The following TBCD variants were observed in gnomAD, a reference collection of about 807,000 sequenced individuals.
TBCD encodes tubulin-specific chaperone D.
TBCD carries 105 observed loss-of-function variants against 169.3 expected under a neutral mutation model. The observed-to-expected ratio is 0.62, with a 90% CI of 0.53 to 0.73. The LOEUF (loss-of-function observed/expected upper bound fraction) is 0.73, where lower values mean the gene tolerates loss of function less well. Among genes scored for constraint, TBCD ranks in the 30% least tolerant of loss-of-function variants. The pLI is 0.00. For synonymous variants in TBCD, 700 were observed against 643.9 expected, an observed-to-expected ratio of 1.09 and a Z score of -1.32; for missense variants, 1,444 against 1,600.1, an observed-to-expected ratio of 0.90 and a Z score of 1.66.
intron 14 of TBCD, among the ~76,000 whole-genome samples, chr17:82,872,914 C>T (rs2057693830): frequency 8.5e-6 from 1 of 118,328 alleles, no homozygotes; most frequent in Non-Finnish European, 1.8e-5. Flanking sequence ...CCAGGCCCGG[C>T]ACCTCGTGGC....
intron 13 of TBCD, among the ~76,000 whole-genome samples, chr17:82,858,139 C>T (rs1279457548): frequency 6.6e-6 from 1 of 152,104 alleles, no homozygotes; most frequent in Non-Finnish European, 1.5e-5. Flanking sequence ...GTCTCGAACT[C>T]CTGGGCTCAA....
At chr17:82,860,779 G>A (rs1257777735) in intron 13 of TBCD, among the ~76,000 whole-genome samples, 1 of 152,222 alleles carries the variant, frequency 6.6e-6, no homozygotes, top group African/African-American at 2.4e-5. Context: ...TGTCCGGGCT[G>A]TGTAAGAAGC....
chr17:82,831,051 C>A lies in TBCD; in HGVS notation c.1318+16117C>A. On this transcript the variant is annotated intron_variant, in intron 13 of 38. Coordinates refer to ENST00000355528, the MANE Select transcript of TBCD (RefSeq NM_005993.5). The surrounding 1 kb of genome is among the most constrained non-coding windows in gnomAD (Gnocchi z 4.6). Reference sequence around the variant, plus strand: ...GAGACTCTGCTGTGGTCTCAGCAGCCTGGGCAGGTAGGCATTCTGTGCTTT... The same window carrying A: ...GAGACTCTGCTGTGGTCTCAGCAGCATGGGCAGGTAGGCATTCTGTGCTTT... The A allele has an allele frequency of 6.2e-7, 1 of 1,614,188 alleles. No individual in the cohort carries two copies. Among genetic ancestry groups the A allele is most frequent in the Non-Finnish European group, 8.5e-7 (1 of 1,180,048 alleles).
rs901575623 is a variant in TBCD, at chr17:82,833,752, G to A, written c.1318+18818G>A. On this transcript the variant is annotated intron_variant, in intron 13 of 38. Coordinates refer to ENST00000355528, the MANE Select transcript of TBCD (RefSeq NM_005993.5). The surrounding 1 kb of genome is among the most constrained non-coding windows in gnomAD (Gnocchi z 4.7). Reference sequence around the variant, plus strand: ...TGGGTCATGGGAGGAAGCTGTCCTGGCCCTTAACCTTTAGGGAGTGGGTTC... The same window carrying A: ...TGGGTCATGGGAGGAAGCTGTCCTGACCCTTAACCTTTAGGGAGTGGGTTC... Among the ~76,000 whole-genome samples, 1 of 152,132 alleles carries A rather than the reference G, an allele frequency of 6.6e-6. No homozygotes were observed. The highest frequency in any genetic ancestry group is 2.4e-5 in the African/African-American group (1 of 41,424).
intron 29 of TBCD, 37 bp downstream of exon 29, chr17:82,927,360 A>T: frequency 6.2e-7 from 1 of 1,602,762 alleles, no homozygotes; most frequent in East Asian, 2.2e-5. Context: ...TTCTTCTGAG[A>T]AGCCCATCTA....
chr17:82,906,227 C>G (rs1207651864), intron 20 of TBCD, among the ~76,000 whole-genome samples, 174 bp downstream of exon 20: 1 of 152,224 alleles, frequency 6.6e-6, no homozygotes. Context: ...AAGTGGCCCT[C>G]TCTCCTGACG....
intron 23 of TBCD, among the ~76,000 whole-genome samples, chr17:82,919,770 A>G (rs2061302963): frequency 6.6e-6 from 1 of 152,162 alleles, no homozygotes; most frequent in Non-Finnish European, 1.5e-5. Flanking sequence ...GATGAGTGGC[A>G]GTATCTGTGA....
At chr17:82,887,162 T>TGCGC (rs1443314838) in intron 15 of TBCD, among the ~76,000 whole-genome samples, 14 of 107,220 alleles carry the variant, frequency 1.3e-4, no homozygotes, top group African/African-American at 4.8e-4. Flanking sequence ...TGTGTGTGTG[T>TGCGC]GTGTGTGCGC....
At position 82,942,816 on chromosome 17, in the gene TBCD, G is replaced by A. The variant is rs1043235124; in HGVS notation, c.*353G>A. On this transcript the variant is annotated 3_prime_UTR_variant, in exon 39 of 39. Coordinates refer to ENST00000355528, the MANE Select transcript of TBCD (RefSeq NM_005993.5). ...TGCACTCCTCCTGCCTGGAGACCAG[G>A]CCCCCTTCTTGCCTGGTGCTGTCCC... 3 of 388,654 alleles carry A rather than the reference G, an allele frequency of 7.7e-6. No homozygotes were observed. Among genetic ancestry groups the A allele is most frequent in the Non-Finnish European group, 1.4e-5 (3 of 215,160 alleles). 24.1% of individuals were successfully genotyped at this position (388,654 alleles called of 1,614,324 possible). A position where few individuals can be genotyped will look rare whatever the true frequency, so the allele number is the denominator to read the frequency against.
At chr17:82,792,846 T>C (rs573679737) in intron 7 of TBCD, among the ~76,000 whole-genome samples, 1 of 152,282 alleles carries the variant, frequency 6.6e-6, no homozygotes, top group Admixed American at 6.5e-5. Context: ...CACTGCAACC[T>C]CCACCTCCCG....
chr17:82,757,888 G>A (rs1021828409), intron 2 of TBCD, among the ~76,000 whole-genome samples: 5 of 152,058 alleles, frequency 3.3e-5, no homozygotes, highest in South Asian at 4.1e-4. Flanking sequence ...GTGTGTGAGC[G>A]CTGGTTCCCA....
chr17:82,889,629 G>T lies in TBCD; in HGVS notation c.1534-39G>T. On this transcript the variant is annotated intron_variant, in intron 15 of 38. Coordinates refer to ENST00000355528, the MANE Select transcript of TBCD (RefSeq NM_005993.5). This position sits in a 1 kb window ranked among gnomAD's most constrained non-coding sequence, Gnocchi z 5.3. ...CTTGCCTCTGGTGTTGGCGGAAGCT[G>T]ACCTCGCTCACCTGCTGTGTTTGTT... 1 of 1,613,794 alleles carries T rather than the reference G, an allele frequency of 6.2e-7. No individual in the cohort carries two copies. Among genetic ancestry groups the T allele is most frequent in the African/African-American group, 1.3e-5 (1 of 75,056 alleles).
At chr17:82,792,303 G>A (rs371736971) in intron 7 of TBCD, among the ~76,000 whole-genome samples, 1,484 of 131,186 alleles carry the variant, frequency 0.011, 26 homozygotes, top group Admixed American at 0.034. Flanking sequence ...GCGAGACTCC[G>A]TCTCCAAAAA....
chr17:82,762,508 G>T lies in TBCD; in HGVS notation c.236-1457G>T, dbSNP rs2047818685. On this transcript the variant is annotated intron_variant, in intron 2 of 38. Coordinates refer to ENST00000355528, the MANE Select transcript of TBCD (RefSeq NM_005993.5). The stretch of plus-strand genomic sequence containing the variant: ...TCCTACCTGTAATTCTAGCACTTTG[G>T]GAGACTGAGGCAGGTGGATTGCCTG... 1.3e-5 allele frequency among the ~76,000 whole-genome samples: 2 copies of T among 151,974 alleles called. 1 individual carries two copies. The highest frequency in any genetic ancestry group is 4.2e-4 in the South Asian group (2 of 4,806).
At chr17:82,828,498 G>A (rs1197024131) in intron 13 of TBCD, among the ~76,000 whole-genome samples, 4 of 135,196 alleles carry the variant, frequency 3.0e-5, no homozygotes, top group Non-Finnish European at 6.2e-5. Flanking sequence ...CCACACAATC[G>A]AATGCACCCC....
chr17:82,873,742 C>G (rs528199687), intron 14 of TBCD, among the ~76,000 whole-genome samples: 5 of 152,094 alleles, frequency 3.3e-5, no homozygotes, highest in African/African-American at 7.2e-5. Context: ...GGGGGCCGGC[C>G]GGTCGGTAGG....
At chr17:82,774,619 TGGC>T (rs2048476257) in intron 6 of TBCD, among the ~76,000 whole-genome samples, 1 of 151,894 alleles carries the variant, frequency 6.6e-6, no homozygotes, top group Non-Finnish European at 1.5e-5. Context: ...TTCCCAGACT[TGGC>T]GGCCGGGCAG....
chr17:82,776,960 C>T (rs1269000096), intron 6 of TBCD, among the ~76,000 whole-genome samples: 2 of 152,140 alleles, frequency 1.3e-5, no homozygotes, highest in East Asian at 1.9e-4. Flanking sequence ...CCTGACTCTG[C>T]GTGTCTGTGG....
In TBCD at chr17:82,941,493, T is replaced by C; in HGVS notation, c.3564+10T>C. 6.3e-7 allele frequency: 1 copy of C among 1,582,636 alleles called. No individual in the cohort carries two copies. Among genetic ancestry groups the C allele is most frequent in the Non-Finnish European group, 8.6e-7 (1 of 1,165,188 alleles). On this transcript the variant is annotated intron_variant, in intron 38 of 38. Transcript: ENST00000355528. ...CCAGCTGGTGCCCCAGGTAACCCTG[T>C]CACCTTCACAGCATGAGGTGCCTGT...
Sources: allele counts gnomAD v4.1 joint callset (sites outside exome capture counted in the v4.1 genomes callset), GRCh38; gene constraint gnomAD v4.1.1; non-coding constraint Gnocchi (gnomAD v3.1); transcripts MANE v1.5; gene names NCBI Gene and HGNC (gene_info 2026-07-23, HGNC 2026-07-21).